The following ROBO2 variants were observed in gnomAD, a reference collection of about 807,000 sequenced individuals.
ROBO2 encodes roundabout guidance receptor 2, also known as roundabout homolog 2.
Under a neutral mutation model 160.8 loss-of-function variants are expected in ROBO2, and 53 were observed. The ratio of observed to expected loss-of-function variants is 0.33; its 90% CI spans 0.26 to 0.41. ROBO2 has a LOEUF of 0.41. Among genes scored for constraint, ROBO2 ranks in the 10% least tolerant of loss-of-function variants. ROBO2 has a pLI of 1.00. For synonymous variants in ROBO2, 664 were observed against 611.7 expected, an observed-to-expected ratio of 1.09 and a Z score of -1.26; for missense variants, 1,577 against 1,722.4, an observed-to-expected ratio of 0.92 and a Z score of 1.49.
intron 2 of ROBO2, among the ~76,000 whole-genome samples, chr3:76,625,629 T>G (rs2089582975): frequency 6.6e-6 from 1 of 152,068 alleles, no homozygotes; most frequent in African/African-American, 2.4e-5. Flanking sequence ...GTTACGTGGA[T>G]CTATGAGAAA....
intron 2 of ROBO2, among the ~76,000 whole-genome samples, chr3:76,240,870 C>G (rs536050038): frequency 6.6e-6 from 1 of 152,282 alleles, no homozygotes; most frequent in African/African-American, 2.4e-5. Flanking sequence ...ACTTCCAACT[C>G]TAAAATGTCA....
At chr3:76,961,626 C>T (rs1053033201) in intron 2 of ROBO2, among the ~76,000 whole-genome samples, 3 of 152,136 alleles carry the variant, frequency 2.0e-5, no homozygotes, top group Non-Finnish European at 4.4e-5. Flanking sequence ...AGCTTCACCA[C>T]GTTCTAGTTA....
chr3:75,939,049 G>A (rs1164140558), intron 2 of ROBO2, among the ~76,000 whole-genome samples: 1 of 151,980 alleles, frequency 6.6e-6, no homozygotes, highest in Non-Finnish European at 1.5e-5. Context: ...TTACTAAAAT[G>A]CAGCATCACA....
chr3:76,806,220 T>C (rs1328224800), intron 2 of ROBO2, among the ~76,000 whole-genome samples: 1 of 150,732 alleles, frequency 6.6e-6, no homozygotes, highest in Non-Finnish European at 1.5e-5. Flanking sequence ...TGTGCGTGTG[T>C]GTGTGTGTGT....
At chr3:76,482,214 GTT>G (rs2079249852) in intron 2 of ROBO2, among the ~76,000 whole-genome samples, 1 of 152,028 alleles carries the variant, frequency 6.6e-6, no homozygotes, top group African/African-American at 2.4e-5. Flanking sequence ...ACAAATAAGT[GTT>G]TTGCCTCATG....
chr3:77,444,955 A>G (rs987612911), intron 2 of ROBO2, among the ~76,000 whole-genome samples: 1 of 152,198 alleles, frequency 6.6e-6, no homozygotes, highest in African/African-American at 2.4e-5. Flanking sequence ...TCTACAATGC[A>G]TTCCAGTTCC....
At chr3:77,063,585 T>C (rs748910711) in intron 1 of ROBO2, among the ~76,000 whole-genome samples, 1 of 152,246 alleles carries the variant, frequency 6.6e-6, no homozygotes. Flanking sequence ...ACTTGAATTG[T>C]AGTAATTTAC....
chr3:76,367,002 A>G (rs1408295219), intron 2 of ROBO2, among the ~76,000 whole-genome samples: 3 of 152,134 alleles, frequency 2.0e-5, no homozygotes, highest in South Asian at 4.1e-4. Context: ...TGTGCACTCA[A>G]TATAGAATGT....
intron 2 of ROBO2, among the ~76,000 whole-genome samples, chr3:77,462,002 A>G (rs2082296052): frequency 6.6e-6 from 1 of 152,198 alleles, no homozygotes; most frequent in African/African-American, 2.4e-5. Flanking sequence ...CTGGGATTAC[A>G]GGCGTGAGCC....
chr3:77,078,636 A>G (rs371966482), intron 1 of ROBO2, among the ~76,000 whole-genome samples: 15 of 152,346 alleles, frequency 9.8e-5, no homozygotes, highest in Middle Eastern at 3.4e-3. Context: ...CACTTTACAG[A>G]TGAAACAACT....
intron 2 of ROBO2, among the ~76,000 whole-genome samples, chr3:76,483,584 A>G (rs2107374264): frequency 6.6e-6 from 1 of 152,288 alleles, no homozygotes; most frequent in South Asian, 2.1e-4. Flanking sequence ...TCTACATCAC[A>G]CATTTGAAGT....
intron 2 of ROBO2, among the ~76,000 whole-genome samples, chr3:76,580,328 G>GTT (rs748888426): frequency 1.8e-3 from 121 of 67,134 alleles, no homozygotes; most frequent in African/African-American, 3.4e-3. Context: ...TTTTTTTTTT[G>GTT]TTTTTTTTTT....
At chr3:76,822,833 C>T (rs2066239992) in intron 2 of ROBO2, among the ~76,000 whole-genome samples, 1 of 151,738 alleles carries the variant, frequency 6.6e-6, no homozygotes, top group South Asian at 2.1e-4. Context: ...TACTTTTATT[C>T]TTCTTTACTT....
chr3:77,323,259 G>T (rs1243735474), intron 2 of ROBO2, among the ~76,000 whole-genome samples: 2 of 150,926 alleles, frequency 1.3e-5, no homozygotes, highest in African/African-American at 2.4e-5. Context: ...ATTTCCAACT[G>T]CCCAGGACTA....
chr3:76,674,150 T>C (rs1413992602), intron 2 of ROBO2, among the ~76,000 whole-genome samples: 2 of 152,042 alleles, frequency 1.3e-5, no homozygotes, highest in Non-Finnish European at 2.9e-5. Flanking sequence ...TACATTCCAA[T>C]TGATACTCTG....
chr3:76,383,749 CA>C (rs1398988131), intron 2 of ROBO2, among the ~76,000 whole-genome samples: 2 of 152,070 alleles, frequency 1.3e-5, no homozygotes, highest in Non-Finnish European at 2.9e-5. Flanking sequence ...AAAAACAAAG[CA>C]TACCCAATTC....
At chr3:76,315,074 G>T (rs894398584) in intron 2 of ROBO2, among the ~76,000 whole-genome samples, 23 of 151,074 alleles carry the variant, frequency 1.5e-4, no homozygotes, top group African/African-American at 4.7e-4. Flanking sequence ...TGACCCCTTG[G>T]TTCAACACAA....
chr3:76,926,455 G>T (rs1382028507), intron 2 of ROBO2, among the ~76,000 whole-genome samples: 1 of 152,124 alleles, frequency 6.6e-6, no homozygotes, highest in Non-Finnish European at 1.5e-5. Flanking sequence ...TCTTTGCATT[G>T]ATTGTGCTTC....
At chr3:76,095,307 A>G (rs2108122683) in intron 2 of ROBO2, among the ~76,000 whole-genome samples, 1 of 152,254 alleles carries the variant, frequency 6.6e-6, no homozygotes, top group East Asian at 1.9e-4. Context: ...TAAAAGGCCC[A>G]TTATGTAAGA....
Sources: gnomAD v4.1 joint callset for allele counts (sites outside exome capture counted in the v4.1 genomes callset) on GRCh38, gnomAD v4.1.1 for gene constraint, MANE v1.5 for transcripts, NCBI Gene and HGNC (gene_info 2026-07-23, HGNC 2026-07-21) for gene names.